Variants in GRB2 observed in about 807,000 individuals in gnomAD.
GRB2 encodes growth factor receptor bound protein 2.
A neutral mutation model predicts 27.4 loss-of-function variants in GRB2; 2 were observed. That is an observed-to-expected ratio of 0.07 (90% confidence interval 0.03 to 0.23). The LOEUF (loss-of-function observed/expected upper bound fraction) is 0.23. Ranked by LOEUF, GRB2 falls within the 10% of genes least tolerant of loss-of-function variation. The pLI is 1.00. For missense variants in GRB2, 102 were observed against 282.4 expected, an observed-to-expected ratio of 0.36 and a Z score of 4.58; for synonymous variants, 94 against 99.6, an observed-to-expected ratio of 0.94 and a Z score of 0.33.
At chr17:75,385,320 T>C (rs956838298) in intron 2 of GRB2, among the ~76,000 whole-genome samples, 2 of 152,098 alleles carry the variant, frequency 1.3e-5, no homozygotes, top group Non-Finnish European at 2.9e-5. Context: ...GCATATTACC[T>C]GCGTTCAGGA....
chr17:75,325,275 A>G (rs1406592186), intron 4 of GRB2, among the ~76,000 whole-genome samples: 1 of 86,574 alleles, frequency 1.2e-5, no homozygotes, highest in East Asian at 7.9e-4. Flanking sequence ...CTGAAAGTAA[A>G]AAACATGGAA....
chr17:75,368,853 A>C (rs997045348), intron 2 of GRB2, among the ~76,000 whole-genome samples: 6 of 151,900 alleles, frequency 3.9e-5, no homozygotes, highest in Non-Finnish European at 8.8e-5. Context: ...GATAAATATG[A>C]CTCTTTTCCA....
At chr17:75,352,377 A>G (rs1352511080) in intron 2 of GRB2, among the ~76,000 whole-genome samples, 1 of 152,230 alleles carries the variant, frequency 6.6e-6, no homozygotes, top group Non-Finnish European at 1.5e-5. Context: ...GAGAGGGACT[A>G]AGACGGCTAA....
At chr17:75,336,683 T>C (rs928951697) in intron 2 of GRB2, among the ~76,000 whole-genome samples, 2 of 152,210 alleles carry the variant, frequency 1.3e-5, no homozygotes, top group African/African-American at 4.8e-5. Context: ...GTGTTTAGTA[T>C]GTTTTTCTCC....
At chr17:75,339,382 A>C (rs1036562043) in intron 2 of GRB2, among the ~76,000 whole-genome samples, 2 of 151,224 alleles carry the variant, frequency 1.3e-5, no homozygotes, top group Non-Finnish European at 2.9e-5. Flanking sequence ...TTTAGTAGAG[A>C]GGGGGTTTCA....
chr17:75,380,156 C>T (rs1023577639), intron 2 of GRB2, among the ~76,000 whole-genome samples: 3 of 152,068 alleles, frequency 2.0e-5, no homozygotes, highest in Non-Finnish European at 2.9e-5. Context: ...GATGTACTGC[C>T]TACACCAAGA....
At chr17:75,344,949 A>C (rs2078645393) in intron 2 of GRB2, among the ~76,000 whole-genome samples, 1 of 150,584 alleles carries the variant, frequency 6.6e-6, no homozygotes. Flanking sequence ...TAAGGTCTCC[A>C]CTCACTTCCC....
At chr17:75,345,027 T>G (rs975921137) in intron 2 of GRB2, among the ~76,000 whole-genome samples, 2 of 151,250 alleles carry the variant, frequency 1.3e-5, no homozygotes, top group African/African-American at 2.4e-5. Flanking sequence ...ACAACAGAGG[T>G]TTTTTTTTAA....
At chr17:75,387,235 A>G (rs1327729467) in intron 2 of GRB2, among the ~76,000 whole-genome samples, 1 of 151,964 alleles carries the variant, frequency 6.6e-6, no homozygotes, top group African/African-American at 2.4e-5. Flanking sequence ...AGGTGGGTAG[A>G]TATTTTGAGG....
At chr17:75,389,775 G>A (rs1043489304) in intron 2 of GRB2, among the ~76,000 whole-genome samples, 30 of 152,220 alleles carry the variant, frequency 2.0e-4, no homozygotes, top group African/African-American at 7.0e-4. Context: ...AACCCGGGAG[G>A]CAGAGCTTGC....
chr17:75,338,682 T>G, intron 2 of GRB2: 1 of 362,862 alleles, frequency 2.8e-6, no homozygotes, highest in Non-Finnish European at 5.1e-6. Context: ...TTCTTTTTGT[T>G]TTTTGGTTTT....
At chr17:75,342,862 G>C (rs1213583409) in intron 2 of GRB2, among the ~76,000 whole-genome samples, 1 of 151,720 alleles carries the variant, frequency 6.6e-6, no homozygotes, top group Non-Finnish European at 1.5e-5. Flanking sequence ...CAGCCTAGAG[G>C]GTACAGGGAG....
intron 2 of GRB2, chr17:75,372,244 C>A (rs951561357): frequency 6.6e-6 from 1 of 152,168 alleles, no homozygotes; most frequent in South Asian, 2.1e-4. Context: ...AGATGCAGAA[C>A]AAAGTACAAC....
At chr17:75,402,925 A>G (rs1213129743) in intron 1 of GRB2, among the ~76,000 whole-genome samples, 3 of 151,596 alleles carry the variant, frequency 2.0e-5, no homozygotes, top group Non-Finnish European at 4.4e-5. Flanking sequence ...AAAATACACA[A>G]TTAGCCAGGC....
intron 2 of GRB2, among the ~76,000 whole-genome samples, chr17:75,351,852 T>C (rs897972463): frequency 1.3e-5 from 2 of 152,066 alleles, no homozygotes; most frequent in Non-Finnish European, 2.9e-5. Context: ...ATATAGAAAA[T>C]CTTTACAATC....
Position 75,361,333 on chromosome 17 carries a change from G to A in GRB2, c.79-28536C>T, listed in dbSNP as rs114368212. On this transcript the variant is annotated intron_variant, in intron 2 of 5. Transcript: ENST00000316804. ...AGGGAACAAACTAAACTACAGAGTG[G>A]CAAAGATCCAAATGCACATCTTTCC... 3.0e-3 allele frequency among the ~76,000 whole-genome samples: 455 copies of A among 152,248 alleles called. 4 individuals are homozygous for A. The highest frequency in any genetic ancestry group is 0.011 in the African/African-American group (439 of 41,538).
At chr17:75,353,488 C>A (rs146659144) in intron 2 of GRB2, among the ~76,000 whole-genome samples, 1 of 151,850 alleles carries the variant, frequency 6.6e-6, no homozygotes, top group Non-Finnish European at 1.5e-5. Flanking sequence ...TTTTACCGGG[C>A]GCGGTGGCTC....
At chr17:75,349,430 C>T (rs150834282) in intron 2 of GRB2, among the ~76,000 whole-genome samples, 2 of 151,884 alleles carry the variant, frequency 1.3e-5, no homozygotes, top group Non-Finnish European at 2.9e-5. Context: ...GCCCAGAAAC[C>T]TTCGAGGACA....
chr17:75,389,932 A>G (rs1213722957), intron 2 of GRB2, among the ~76,000 whole-genome samples: 1 of 152,170 alleles, frequency 6.6e-6, no homozygotes, highest in Non-Finnish European at 1.5e-5. Context: ...GTACTGTTTC[A>G]CATATTAATC....
Sources: allele counts gnomAD v4.1 joint callset (sites outside exome capture counted in the v4.1 genomes callset), GRCh38; gene constraint gnomAD v4.1.1; transcripts MANE v1.5; gene names NCBI Gene and HGNC (gene_info 2026-07-23, HGNC 2026-07-21).